Variants in ST6GALNAC3 observed in about 807,000 individuals in gnomAD.
The protein encoded by ST6GALNAC3 is ST6 N-acetylgalactosaminide alpha-2,6-sialyltransferase 3.
In ST6GALNAC3, 25 loss-of-function variants were observed where a neutral mutation model predicts 32.7. The ratio of observed to expected loss-of-function variants is 0.76; its 90% CI spans 0.56 to 1.07. ST6GALNAC3 has a LOEUF of 1.07. Ranked by LOEUF, ST6GALNAC3 falls within the 50% of genes least tolerant of loss-of-function variation. ST6GALNAC3 has a pLI of 0.00. For missense variants in ST6GALNAC3, 355 were observed against 382.4 expected, an observed-to-expected ratio of 0.93 and a Z score of 0.60; for synonymous variants, 129 against 133.1, an observed-to-expected ratio of 0.97 and a Z score of 0.21.
intron 3 of ST6GALNAC3, among the ~76,000 whole-genome samples, chr1:76,546,025 A>G (rs1286673220): frequency 6.6e-6 from 1 of 152,170 alleles, no homozygotes; most frequent in African/African-American, 2.4e-5. Context: ...ACATTTCATT[A>G]TTGTTTCTAC....
intron 1 of ST6GALNAC3, among the ~76,000 whole-genome samples, chr1:76,184,720 T>C (rs1653441053): frequency 6.6e-6 from 1 of 152,132 alleles, no homozygotes. Context: ...AACTGGACTT[T>C]AAATCGGGGC....
intron 1 of ST6GALNAC3, among the ~76,000 whole-genome samples, chr1:76,166,186 G>A (rs895808642): frequency 6.6e-6 from 1 of 152,076 alleles, no homozygotes; most frequent in African/African-American, 2.4e-5. Context: ...TTTGTATATG[G>A]CGGAAGGAAG....
chr1:76,161,863 A>G (rs1479794306), intron 1 of ST6GALNAC3, among the ~76,000 whole-genome samples: 1 of 152,142 alleles, frequency 6.6e-6, no homozygotes, highest in African/African-American at 2.4e-5. Context: ...TTCTTTTCTA[A>G]ATGTTATTTA....
chr1:76,324,074 G>A (rs544018405), intron 2 of ST6GALNAC3, among the ~76,000 whole-genome samples: 1 of 151,818 alleles, frequency 6.6e-6, no homozygotes, highest in South Asian at 2.1e-4. Flanking sequence ...TGCCCAAGGT[G>A]GTCTCGAACT....
chr1:76,154,584 T>C (rs1336161428), intron 1 of ST6GALNAC3, among the ~76,000 whole-genome samples: 1 of 152,196 alleles, frequency 6.6e-6, no homozygotes, highest in Non-Finnish European at 1.5e-5. Context: ...CACAGAAGCA[T>C]CCGCCTTGGT....
chr1:76,277,611 T>TACAC (rs200054620), intron 1 of ST6GALNAC3, among the ~76,000 whole-genome samples: 20 of 51,160 alleles, frequency 3.9e-4, no homozygotes, highest in Admixed American at 1.7e-3. Flanking sequence ...TATATATATA[T>TACAC]ACACACACAC....
intron 3 of ST6GALNAC3, among the ~76,000 whole-genome samples, chr1:76,483,330 C>T (rs1219380208): frequency 6.6e-6 from 1 of 151,926 alleles, no homozygotes; most frequent in Non-Finnish European, 1.5e-5. Flanking sequence ...AACTAGTTTA[C>T]AGTCCCACCA....
At chr1:76,463,184 T>TG (rs1488926251) in intron 3 of ST6GALNAC3, among the ~76,000 whole-genome samples, 1 of 152,186 alleles carries the variant, frequency 6.6e-6, no homozygotes, top group Non-Finnish European at 1.5e-5. Context: ...AGCTTAACTT[T>TG]GAGGTTTGCA....
intron 4 of ST6GALNAC3, 110 bp from the exon 5 acceptor site, chr1:76,628,510 T>C: frequency 1.0e-6 from 1 of 1,004,704 alleles, no homozygotes; most frequent in East Asian, 2.7e-5. Context: ...AAGAATCATG[T>C]ATGGGTTTGT....
At chr1:76,159,427 G>T (rs1651675708) in intron 1 of ST6GALNAC3, among the ~76,000 whole-genome samples, 1 of 152,152 alleles carries the variant, frequency 6.6e-6, no homozygotes, top group South Asian at 2.1e-4. Context: ...CAAGTGATCT[G>T]CCTGCCTCGG....
At chr1:76,436,282 G>A (rs991460581) in intron 3 of ST6GALNAC3, among the ~76,000 whole-genome samples, 1 of 152,106 alleles carries the variant, frequency 6.6e-6, no homozygotes, top group Non-Finnish European at 1.5e-5. Flanking sequence ...ACAGCTGATT[G>A]AGGATGGCAG....
intron 2 of ST6GALNAC3, among the ~76,000 whole-genome samples, chr1:76,330,727 G>A (rs1177123318): frequency 6.6e-6 from 1 of 152,198 alleles, no homozygotes; most frequent in Non-Finnish European, 1.5e-5. Context: ...CTAAGGGACA[G>A]GGAAGTCAAG....
chr1:76,193,608 A>G (rs1557686582), intron 1 of ST6GALNAC3, among the ~76,000 whole-genome samples: 1 of 152,176 alleles, frequency 6.6e-6, no homozygotes, highest in Non-Finnish European at 1.5e-5. Flanking sequence ...AATAATAATA[A>G]TACTAGTGGA....
At chr1:76,569,007 G>A (rs113816083) in intron 3 of ST6GALNAC3, among the ~76,000 whole-genome samples, 2,163 of 152,146 alleles carry the variant, frequency 0.014, 52 homozygotes, top group African/African-American at 0.048. Context: ...CAGGCATACC[G>A]AATGGCGTAC....
At chr1:76,337,883 G>A (rs1458307969) in intron 2 of ST6GALNAC3, among the ~76,000 whole-genome samples, 2 of 152,046 alleles carry the variant, frequency 1.3e-5, no homozygotes, top group Non-Finnish European at 2.9e-5. Context: ...GTCTTTCCTG[G>A]CCCAGACTGA....
At chr1:76,148,168 T>TGCTTGAC (rs1337592439) in intron 1 of ST6GALNAC3, among the ~76,000 whole-genome samples, 1 of 152,214 alleles carries the variant, frequency 6.6e-6, no homozygotes, top group African/African-American at 2.4e-5. Context: ...CCATGGGGAC[T>TGCTTGAC]GCTTGACGCA....
chr1:76,604,932 A>G (rs1647424201), intron 3 of ST6GALNAC3, among the ~76,000 whole-genome samples: 1 of 152,128 alleles, frequency 6.6e-6, no homozygotes, highest in African/African-American at 2.4e-5. Context: ...GTCACATCTT[A>G]GTTTCCAGCT....
In ST6GALNAC3 at chr1:76,266,430, C is replaced by T. The variant is rs564747252; in HGVS notation, c.19-47375C>T. Among the ~76,000 whole-genome samples, 5 of 152,320 alleles carry T rather than the reference C, an allele frequency of 3.3e-5. No individual in the cohort carries two copies. In the South Asian group the frequency reaches 8.3e-4, roughly 25 times the overall value. The stretch of plus-strand genomic sequence containing the variant: ...GTTGTCTCAGAGGAAGGGCAACCTG[C>T]AGCCTTTATTTTATTGGGACCAGAC... On this transcript the variant is annotated intron_variant, in intron 1 of 4. Transcript: ENST00000328299.
chr1:76,586,226 G>A (rs564094937), intron 3 of ST6GALNAC3, among the ~76,000 whole-genome samples: 2 of 152,336 alleles, frequency 1.3e-5, no homozygotes, highest in African/African-American at 2.4e-5. Context: ...ATGTTGAGAT[G>A]TACTGTGTCA....
Sources: allele counts gnomAD v4.1 joint callset (sites outside exome capture counted in the v4.1 genomes callset), GRCh38; gene constraint gnomAD v4.1.1; transcripts MANE v1.5; gene names NCBI Gene and HGNC (gene_info 2026-07-23, HGNC 2026-07-21).